The following MAP3K20 variants were observed in gnomAD, a reference collection of about 807,000 sequenced individuals.
MAP3K20 encodes mitogen-activated protein kinase kinase kinase 20.
Under a neutral mutation model 85.7 loss-of-function variants are expected in MAP3K20, and 40 were observed. The observed-to-expected ratio is 0.47, with a 90% CI of 0.36 to 0.61. MAP3K20 has a LOEUF of 0.61. Ranked by LOEUF, MAP3K20 falls within the 20% of genes least tolerant of loss-of-function variation. The pLI is 0.00. For synonymous variants in MAP3K20, 325 were observed against 327.7 expected (o/e 0.99, Z 0.09); for missense variants, 817 against 961.7 (o/e 0.85, Z 1.99).
At chr2:173,244,618 T>C (rs1684872839) in intron 16 of MAP3K20, among the ~76,000 whole-genome samples, 1 of 152,220 alleles carries the variant, frequency 6.6e-6, no homozygotes, top group Admixed American at 6.5e-5. Flanking sequence ...ATCTCACACC[T>C]GACCCACAAC....
intron 9 of MAP3K20, among the ~76,000 whole-genome samples, chr2:173,208,094 T>C (rs1441636372): frequency 6.6e-6 from 1 of 152,216 alleles, no homozygotes; most frequent in East Asian, 1.9e-4. Flanking sequence ...TTAGTTCTTA[T>C]GCAAATGATT....
rs560235168 is a variant in MAP3K20 at position 173,097,742 on chromosome 2, A to G, written c.159+6552A>G. Among the ~76,000 whole-genome samples, 27 of 152,366 alleles carry G rather than the reference A, an allele frequency of 1.8e-4. No homozygotes were observed. The South Asian group carries it at 5.4e-3, about 30-fold the overall frequency. ...ATTTATAGATAAGGAGAGAAGATCA[A>G]CATGTCAAACTGGTTATAATAACAG... is the stretch of plus-strand genomic sequence containing the variant. On this transcript the variant is annotated intron_variant, in intron 2 of 19. Coordinates refer to ENST00000375213, the MANE Select transcript of MAP3K20 (RefSeq NM_016653.3).
intron 1 of MAP3K20, among the ~76,000 whole-genome samples, chr2:173,089,053 G>A (rs919273431): frequency 6.6e-6 from 1 of 152,160 alleles, no homozygotes; most frequent in Non-Finnish European, 1.5e-5. Context: ...CCTGAAATGG[G>A]ATGGCTAGCC....
At chr2:173,095,940 C>A (rs1687444884) in intron 2 of MAP3K20, among the ~76,000 whole-genome samples, 2 of 152,136 alleles carry the variant, frequency 1.3e-5, no homozygotes, top group South Asian at 2.1e-4. Flanking sequence ...CATTTCTTTT[C>A]CCCGCAACAT....
intron 2 of MAP3K20, among the ~76,000 whole-genome samples, chr2:173,119,973 A>G (rs1688233317): frequency 6.6e-6 from 1 of 152,214 alleles, no homozygotes; most frequent in Non-Finnish European, 1.5e-5. Context: ...GAGAGAAATA[A>G]TTAATATACA....
chr2:173,078,671 A>G (rs1443977962), intron 1 of MAP3K20, among the ~76,000 whole-genome samples: 1 of 152,222 alleles, frequency 6.6e-6, no homozygotes, highest in Non-Finnish European at 1.5e-5. Context: ...GCAGCCCCAC[A>G]TTTGACACCC....
At chr2:173,181,558 A>AT (rs1277029009) in intron 3 of MAP3K20, among the ~76,000 whole-genome samples, 1 of 152,216 alleles carries the variant, frequency 6.6e-6, no homozygotes, top group East Asian at 1.9e-4. Context: ...AAAAATTAAC[A>AT]TATTTACACA....
chr2:173,128,052 A>G (rs148524803), intron 2 of MAP3K20, among the ~76,000 whole-genome samples: 2 of 152,246 alleles, frequency 1.3e-5, no homozygotes, highest in East Asian at 3.9e-4. Context: ...TTTTTTTCTC[A>G]TATCTCATAC....
At position 173,126,591 on chromosome 2, in the gene MAP3K20, GC is replaced by G. The variant is rs1688451718; in HGVS notation, c.159+35402del. ...GATGGGGTTTCACCATGTTGGCCAGGCTGGTCTCAAACTCCTGACCTCAGGT... is the reference window on the plus strand; with the variant it reads ...GATGGGGTTTCACCATGTTGGCCAGGTGGTCTCAAACTCCTGACCTCAGGT... On this transcript the variant is annotated intron_variant, in intron 2 of 19. Coordinates refer to ENST00000375213, the MANE Select transcript of MAP3K20 (RefSeq NM_016653.3). Among the ~76,000 whole-genome samples the G allele has an allele frequency of 5.3e-5, 8 of 152,152 alleles. No individual in the cohort carries two copies. In the South Asian group the frequency reaches 1.5e-3, roughly 28 times the overall value.
intron 16 of MAP3K20, among the ~76,000 whole-genome samples, chr2:173,239,919 G>A (rs2106338040): frequency 6.6e-6 from 1 of 152,250 alleles, no homozygotes; most frequent in South Asian, 2.1e-4. Flanking sequence ...AGGGTGGCAG[G>A]GCATTTGAGC....
intron 1 of MAP3K20, among the ~76,000 whole-genome samples, chr2:173,085,880 C>T (rs112078366): frequency 0.015 from 2,124 of 139,640 alleles, 30 homozygotes; most frequent in South Asian, 0.039. Context: ...ACAGTAACCT[C>T]TGCCTCTACG....
intron 11 of MAP3K20, chr2:173,223,778 G>A (rs984699625): frequency 2.0e-6 from 2 of 985,240 alleles, no homozygotes; most frequent in Non-Finnish European, 2.4e-6. Context: ...ACAAATACAT[G>A]AACACAGCCT....
At chr2:173,171,123 A>C (rs1689987424) in intron 3 of MAP3K20, among the ~76,000 whole-genome samples, 1 of 152,220 alleles carries the variant, frequency 6.6e-6, no homozygotes, top group South Asian at 2.1e-4. Context: ...TATATTTCTT[A>C]TAAATGTGAA....
intron 19 of MAP3K20, among the ~76,000 whole-genome samples, 170 bp from the exon 20 acceptor site, chr2:173,265,880 T>A (rs1685407555): frequency 6.6e-6 from 1 of 152,220 alleles, no homozygotes; most frequent in Admixed American, 6.5e-5. Context: ...GTCCTTATTT[T>A]TTAAAGTATT....
In MAP3K20 at chr2:173,152,282, T is replaced by A. The variant is rs138170289; in HGVS notation, c.160-17523T>A. Among the ~76,000 whole-genome samples, 392 of 152,344 alleles carry A rather than the reference T, an allele frequency of 2.6e-3. 1 individual carries two copies. The highest frequency in any genetic ancestry group is 4.1e-3 in the Admixed American group (62 of 15,298). On this transcript the variant is annotated intron_variant, in intron 2 of 19. Coordinates refer to ENST00000375213, the MANE Select transcript of MAP3K20 (RefSeq NM_016653.3). ...TATTTGTTTACATGCAGAACGATTCTTGTCTCTTGAAGGTCATATTTAGCT... is the reference window on the plus strand; with the variant it reads ...TATTTGTTTACATGCAGAACGATTCATGTCTCTTGAAGGTCATATTTAGCT...
At chr2:173,251,127 C>T (rs1415249178) in intron 16 of MAP3K20, among the ~76,000 whole-genome samples, 1 of 152,130 alleles carries the variant, frequency 6.6e-6, no homozygotes, top group Non-Finnish European at 1.5e-5. Flanking sequence ...AAATTTTTAT[C>T]GTATTCTTAT....
chr2:173,258,275 G>T (rs1178698738), intron 16 of MAP3K20, among the ~76,000 whole-genome samples: 2 of 152,124 alleles, frequency 1.3e-5, no homozygotes, highest in Non-Finnish European at 2.9e-5. Context: ...GGATCAAGAG[G>T]GCCTTATGTT....
At chr2:173,156,013 G>C (rs946918366) in intron 2 of MAP3K20, among the ~76,000 whole-genome samples, 20 of 152,126 alleles carry the variant, frequency 1.3e-4, no homozygotes, top group African/African-American at 4.8e-4. Flanking sequence ...TGCTGAGAAA[G>C]CTCTCTAAAA....
chr2:173,096,386 C>T (rs537140712), intron 2 of MAP3K20, among the ~76,000 whole-genome samples: 2 of 149,726 alleles, frequency 1.3e-5, no homozygotes, highest in Non-Finnish European at 3.0e-5. Context: ...TTTGCCCAGG[C>T]TGGAGCGCAG....
Sources: gnomAD v4.1 joint callset for allele counts (sites outside exome capture counted in the v4.1 genomes callset) on GRCh38, gnomAD v4.1.1 for gene constraint, MANE v1.5 for transcripts, NCBI Gene and HGNC (gene_info 2026-07-23, HGNC 2026-07-21) for gene names.